MAPK14: variants seen among roughly 807,000 people sequenced by gnomAD.
MAPK14 encodes the protein mitogen-activated protein kinase 14, also known as CSAID-binding protein.
In MAPK14, 16 loss-of-function variants were observed where a neutral mutation model predicts 49.6. The ratio of observed to expected loss-of-function variants is 0.32; its 90% CI spans 0.22 to 0.49. The LOEUF (loss-of-function observed/expected upper bound fraction) is 0.49, where lower values mean the gene tolerates loss of function less well. Among genes scored for constraint, MAPK14 ranks in the 20% least tolerant of loss-of-function variants. The pLI is 0.99. For missense variants in MAPK14, 200 were observed against 441.2 expected (o/e 0.45, Z 4.90); for synonymous variants, 142 against 158.0 (o/e 0.90, Z 0.76).
At chr6:36,103,482 G>A (rs1278732435) in intron 10 of MAPK14, among the ~76,000 whole-genome samples, 1 of 152,088 alleles carries the variant, frequency 6.6e-6, no homozygotes, top group Non-Finnish European at 1.5e-5. Flanking sequence ...TAGGACTACA[G>A]GCATGCATCC....
chr6:36,085,160 C>G (rs564106975), intron 8 of MAPK14, among the ~76,000 whole-genome samples: 129 of 152,246 alleles, frequency 8.5e-4, no homozygotes, highest in Non-Finnish European at 1.6e-3. Flanking sequence ...TGCAAGAGCT[C>G]CTGAAGGAAG....
the MAPK14 span, among the ~76,000 whole-genome samples, chr6:36,118,833 C>T: frequency 6.6e-5 from 10 of 152,192 alleles, no homozygotes; most frequent in East Asian, 1.9e-4. Flanking sequence ...GCTGTGCCCT[C>T]AACAAGCCCC....
intron 3 of MAPK14, among the ~76,000 whole-genome samples, chr6:36,068,557 T>G (rs577351030): frequency 1.3e-5 from 2 of 152,226 alleles, no homozygotes; most frequent in African/African-American, 4.8e-5. Context: ...GCACCCTGTT[T>G]AAATATGGAA....
At chr6:36,099,943 T>C (rs1186334663) in intron 9 of MAPK14, among the ~76,000 whole-genome samples, 2 of 152,184 alleles carry the variant, frequency 1.3e-5, no homozygotes, top group Non-Finnish European at 2.9e-5. Flanking sequence ...ACAGTAAAGA[T>C]GATGCTAAAA....
chr6:36,054,874 A>C (rs557536014), intron 2 of MAPK14, among the ~76,000 whole-genome samples: 60 of 152,338 alleles, frequency 3.9e-4, no homozygotes, highest in African/African-American at 1.3e-3. Flanking sequence ...CAGCAGCAAC[A>C]GGCGCTTAAA....
At chr6:36,037,242 C>T (rs1762788035) in intron 1 of MAPK14, among the ~76,000 whole-genome samples, 1 of 152,108 alleles carries the variant, frequency 6.6e-6, no homozygotes. Context: ...CTTTGAGGTA[C>T]ACCTGTATGT....
intron 1 of MAPK14, 59 bp from the exon 2 acceptor site, chr6:36,052,640 C>A (rs1427115977): frequency 2.7e-6 from 4 of 1,485,650 alleles, no homozygotes; most frequent in Admixed American, 4.8e-5. Flanking sequence ...TATAAATACC[C>A]CAAAATAATA....
At chr6:36,059,514 G>A (rs1449963746) in intron 3 of MAPK14, among the ~76,000 whole-genome samples, 167 bp downstream of exon 3, 5 of 152,116 alleles carry the variant, frequency 3.3e-5, no homozygotes, top group African/African-American at 7.2e-5. Flanking sequence ...TATGTTATGG[G>A]TGGTGCGTGT....
rs73409877 is a variant in MAPK14, at chr6:36,103,055, C to G, written c.841+406C>G. Among the ~76,000 whole-genome samples, 397 of 152,246 alleles carry G rather than the reference C, an allele frequency of 2.6e-3. 1 individual carries two copies. Among genetic ancestry groups the G allele is most frequent in the African/African-American group, 8.8e-3 (366 of 41,548 alleles). On this transcript the variant is annotated intron_variant, in intron 10 of 11. Coordinates refer to ENST00000229794, the MANE Select transcript of MAPK14 (RefSeq NM_139012.3). ...GCAGGTGGGTGTTTAGAGGAGCCAC[C>G]CAGGAGCTCCCTGCAGGGTGCTCTG...
chr6:36,073,249 A>C, intron 4 of MAPK14: 1 of 461,574 alleles, frequency 2.2e-6, no homozygotes, highest in Non-Finnish European at 3.9e-6. Flanking sequence ...CCATCCATAG[A>C]TACTTCAGTT....
chr6:36,121,367 G>GC, the MAPK14 span, among the ~76,000 whole-genome samples: 1 of 152,188 alleles, frequency 6.6e-6, no homozygotes, highest in South Asian at 2.1e-4. Flanking sequence ...CAGCTGGGCT[G>GC]CCTGCCGCTG....
At chr6:36,047,554 T>C (rs1052953685) in intron 1 of MAPK14, among the ~76,000 whole-genome samples, 1 of 152,160 alleles carries the variant, frequency 6.6e-6, no homozygotes, top group Non-Finnish European at 1.5e-5. Context: ...TAATTTGTAC[T>C]TTTATTGCTA....
intron 9 of MAPK14, chr6:36,100,394 GCTATTGCAAGATGTTGA>G (rs1355675286): frequency 1.4e-6 from 1 of 709,036 alleles, no homozygotes; most frequent in Non-Finnish European, 2.6e-6. Context: ...CTGCCTATGT[GCTATTGCAAGATGTTGA>G]CTTTTGGGAT....
At chr6:36,091,431 G>A (rs1373037663) in intron 8 of MAPK14, among the ~76,000 whole-genome samples, 2 of 152,150 alleles carry the variant, frequency 1.3e-5, no homozygotes, top group African/African-American at 4.8e-5. Context: ...TAAACTAATA[G>A]TAAAAATATT....
intron 8 of MAPK14, among the ~76,000 whole-genome samples, chr6:36,082,201 A>C (rs1764793857): frequency 6.6e-6 from 1 of 152,162 alleles, no homozygotes; most frequent in Admixed American, 6.5e-5. Flanking sequence ...TTTCCAATTT[A>C]GATGCTTTTA....
chr6:36,061,137 G>T (rs1763805720), intron 3 of MAPK14, among the ~76,000 whole-genome samples: 1 of 152,164 alleles, frequency 6.6e-6, no homozygotes, highest in South Asian at 2.1e-4. Context: ...AAATGCTGAA[G>T]TAATGTGTTT....
intron 2 of MAPK14, among the ~76,000 whole-genome samples, chr6:36,053,780 ACT>A (rs370582289): frequency 1.2e-4 from 19 of 152,228 alleles, no homozygotes; most frequent in African/African-American, 4.6e-4. Context: ...CAGATAAGTG[ACT>A]CTTCATTAGC....
chr6:36,113,343 T>TAAAAAAAAAAAAAAAAAAAAAAA (rs35876911), downstream of MAPK14, among the ~76,000 whole-genome samples: 1 of 71,742 alleles, frequency 1.4e-5, no homozygotes, highest in African/African-American at 4.4e-5. Flanking sequence ...CCCTGTCTCA[T>TAAAAAAAAAAAAAAAAAAAAAAA]AAAAAAAAAA....
chr6:36,065,319 T>A (rs1764002985), intron 3 of MAPK14, among the ~76,000 whole-genome samples: 1 of 152,132 alleles, frequency 6.6e-6, no homozygotes, highest in African/African-American at 2.4e-5. Flanking sequence ...GAATTGCCAT[T>A]ATAGGGCAGG....
Sources: gnomAD v4.1 joint callset for allele counts (sites outside exome capture counted in the v4.1 genomes callset) on GRCh38, gnomAD v4.1.1 for gene constraint, MANE v1.5 for transcripts, NCBI Gene and HGNC (gene_info 2026-07-23, HGNC 2026-07-21) for gene names.